The following RBFOX1 variants were observed in gnomAD, a reference collection of about 807,000 sequenced individuals.
The protein encoded by RBFOX1 is RNA binding fox-1 homolog 1, also known as RNA binding protein fox-1 homolog 1.
Under a neutral mutation model 57.7 loss-of-function variants are expected in RBFOX1, and 8 were observed. That is an observed-to-expected ratio of 0.14 (90% CI 0.08 to 0.25). The LOEUF is 0.25. RBFOX1 is among the 10% of genes least tolerant of loss of function. The probability of loss-of-function intolerance (pLI) is 1.00; values close to 1 mark genes in which losing one functional copy is unlikely to be tolerated. For synonymous variants in RBFOX1, 326 were observed against 222.4 expected, an observed-to-expected ratio of 1.47 and a Z score of -4.15; for missense variants, 611 against 548.5, an observed-to-expected ratio of 1.11 and a Z score of -1.14.
At chr16:5,604,914 G>A (rs1270649764), downstream of RBFOX1, among the ~76,000 whole-genome samples, 3 of 152,166 alleles carry the variant, frequency 2.0e-5, no homozygotes, top group Non-Finnish European at 2.9e-5. Context: ...TGCAGTCTCA[G>A]CAAATGAATA....
intron 1 of RBFOX1, among the ~76,000 whole-genome samples, chr16:6,155,233 C>T (rs895843831): frequency 1.7e-4 from 26 of 152,184 alleles, no homozygotes; most frequent in African/African-American, 6.3e-4. Context: ...TCCTCTGGGG[C>T]ATCCAGGAGA....
intron 1 of RBFOX1, among the ~76,000 whole-genome samples, chr16:6,306,240 G>T (rs779458319): frequency 3.3e-5 from 5 of 152,116 alleles, no homozygotes; most frequent in Non-Finnish European, 7.4e-5. Context: ...TAGATTTGCT[G>T]CAGAAACCAA....
At chr16:6,294,683 A>C (rs7188333) in intron 1 of RBFOX1, among the ~76,000 whole-genome samples, 149,434 of 152,286 alleles carry the variant, frequency 0.98, 73,393 homozygotes, top group East Asian at 1. Context: ...GGTTAATGCA[A>C]GTTTAGAAAA....
intron 3 of RBFOX1, among the ~76,000 whole-genome samples, chr16:6,891,035 G>A (rs1347896808): frequency 6.6e-6 from 1 of 152,126 alleles, no homozygotes; most frequent in Non-Finnish European, 1.5e-5. Context: ...CAGGAGTTAC[G>A]TCTGATTCCC....
chr16:6,132,004 A>C (rs2152677973), intron 1 of RBFOX1, among the ~76,000 whole-genome samples: 1 of 152,366 alleles, frequency 6.6e-6, no homozygotes, highest in Non-Finnish European at 1.5e-5. Flanking sequence ...CTCTTTAATT[A>C]GCTTTTAGGA....
intron 4 of RBFOX1, among the ~76,000 whole-genome samples, chr16:7,345,897 A>G (rs918102591): frequency 2.0e-5 from 3 of 152,128 alleles, no homozygotes; most frequent in Non-Finnish European, 2.9e-5. Flanking sequence ...TTACATACAT[A>G]TACATGTGCC....
chr16:7,508,730 A>G (rs2074156299), intron 4 of RBFOX1, among the ~76,000 whole-genome samples: 1 of 152,152 alleles, frequency 6.6e-6, no homozygotes, highest in African/African-American at 2.4e-5. Context: ...TAGAACCTGC[A>G]AAACAGACAA....
chr16:7,354,151 A>T (rs911803193), intron 4 of RBFOX1, among the ~76,000 whole-genome samples: 2 of 151,946 alleles, frequency 1.3e-5, no homozygotes, highest in African/African-American at 2.4e-5. Flanking sequence ...TTGTAGTTTT[A>T]GTAGAGAAAG....
chr16:7,156,268 A>ATGTACATGTACGTATACATATGTATG (rs2077109917), intron 4 of RBFOX1, among the ~76,000 whole-genome samples: 1 of 91,596 alleles, frequency 1.1e-5, no homozygotes, highest in African/African-American at 5.5e-5. Context: ...GTATGTGTAC[A>ATGTACATGTACGTATACATATGTATG]TGTACATGTA....
intron 5 of RBFOX1, among the ~76,000 whole-genome samples, chr16:7,577,924 A>G (rs887993828): frequency 6.6e-6 from 1 of 152,176 alleles, no homozygotes; most frequent in African/African-American, 2.4e-5. Context: ...ACAATGACAA[A>G]ATGATTCTAT....
At chr16:6,234,826 C>T (rs145226143) in intron 1 of RBFOX1, among the ~76,000 whole-genome samples, 1 of 152,042 alleles carries the variant, frequency 6.6e-6, no homozygotes, top group Non-Finnish European at 1.5e-5. Flanking sequence ...GACACACACA[C>T]ACACACACAG....
chr16:5,622,394 G>T (rs1390949902), intron 3 of RBFOX1, among the ~76,000 whole-genome samples: 2 of 152,202 alleles, frequency 1.3e-5, no homozygotes, highest in African/African-American at 4.8e-5. Flanking sequence ...AAGGAGTCTT[G>T]TGCACTGCCC....
chr16:7,520,743 G>A (rs897127321), intron 5 of RBFOX1, among the ~76,000 whole-genome samples: 1 of 152,174 alleles, frequency 6.6e-6, no homozygotes, highest in African/African-American at 2.4e-5. Flanking sequence ...TAGTAGTGAT[G>A]GGGATGTTGT....
At chr16:7,500,576 G>C (rs1166919311) in intron 4 of RBFOX1, among the ~76,000 whole-genome samples, 4 of 152,136 alleles carry the variant, frequency 2.6e-5, no homozygotes, top group Non-Finnish European at 5.9e-5. Flanking sequence ...ATATCTTAGG[G>C]AACAGTTTGA....
At chr16:5,676,752 CT>C (rs893780280) in intron 3 of RBFOX1, among the ~76,000 whole-genome samples, 1 of 152,082 alleles carries the variant, frequency 6.6e-6, no homozygotes, top group African/African-American at 2.4e-5. Context: ...ATTCCACCTA[CT>C]TAGGAAGCTA....
chr16:6,891,460 C>G (rs1477971092), intron 3 of RBFOX1, among the ~76,000 whole-genome samples: 1 of 151,836 alleles, frequency 6.6e-6, no homozygotes, highest in Non-Finnish European at 1.5e-5. Context: ...CATACACACA[C>G]ACACTAGAGA....
At chr16:6,191,004 T>G (rs2097138179) in intron 1 of RBFOX1, among the ~76,000 whole-genome samples, 1 of 152,086 alleles carries the variant, frequency 6.6e-6, no homozygotes, top group South Asian at 2.1e-4. Context: ...CTCCCGATTC[T>G]GTCTGCTTGT....
intron 2 of RBFOX1, among the ~76,000 whole-genome samples, chr16:6,334,021 C>G (rs2083346266): frequency 6.6e-6 from 1 of 152,056 alleles, no homozygotes; most frequent in South Asian, 2.1e-4. Context: ...AACAGAATGA[C>G]TAGACTCCGA....
At chr16:7,154,118 G>T (rs76424351) in intron 4 of RBFOX1, among the ~76,000 whole-genome samples, 1 of 152,162 alleles carries the variant, frequency 6.6e-6, no homozygotes, top group Non-Finnish European at 1.5e-5. Flanking sequence ...AAGCACTCAA[G>T]ATTGTTTTTG....
Sources: gnomAD v4.1 joint callset for allele counts (sites outside exome capture counted in the v4.1 genomes callset) on GRCh38, gnomAD v4.1.1 for gene constraint, MANE v1.5 for transcripts, NCBI Gene and HGNC (gene_info 2026-07-23, HGNC 2026-07-21) for gene names.